Variants in PTPRD observed in about 807,000 individuals in gnomAD.
PTPRD encodes receptor-type tyrosine-protein phosphatase delta.
In PTPRD, 34 loss-of-function variants were observed where a neutral mutation model predicts 214.5. The ratio of observed to expected loss-of-function variants is 0.16; its 90% CI spans 0.12 to 0.21. The LOEUF (loss-of-function observed/expected upper bound fraction) is 0.21, where lower values mean the gene tolerates loss of function less well. Among genes scored for constraint, PTPRD ranks in the 10% least tolerant of loss-of-function variants. PTPRD has a pLI of 1.00. For synonymous variants in PTPRD, 1,128 were observed against 845.7 expected, an observed-to-expected ratio of 1.33 and a Z score of -5.79; for missense variants, 2,545 against 2,398.7, an observed-to-expected ratio of 1.06 and a Z score of -1.27.
intron 9 of PTPRD, among the ~76,000 whole-genome samples, chr9:9,187,789 T>G (rs967362239): frequency 5.9e-5 from 9 of 151,962 alleles, no homozygotes; most frequent in East Asian, 3.9e-4. Flanking sequence ...GATTTTTTTT[T>G]TGTGGTGTTG....
At chr9:10,067,475 C>T (rs2097907020) in intron 3 of PTPRD, among the ~76,000 whole-genome samples, 1 of 151,808 alleles carries the variant, frequency 6.6e-6, no homozygotes, top group Non-Finnish European at 1.5e-5. Context: ...CATGTGGAAA[C>T]TTAGACACAG....
chr9:9,371,662 A>G (rs2059532499), intron 9 of PTPRD, among the ~76,000 whole-genome samples: 1 of 151,974 alleles, frequency 6.6e-6, no homozygotes, highest in East Asian at 1.9e-4. Context: ...TAGCTTTTGA[A>G]TGTCTTTGCT....
intron 2 of PTPRD, among the ~76,000 whole-genome samples, chr9:10,467,499 T>C (rs753007362): frequency 5.9e-5 from 9 of 152,182 alleles, no homozygotes; most frequent in Non-Finnish European, 1.3e-4. Flanking sequence ...CAGATTTTAA[T>C]AGACACTCCT....
At chr9:10,272,675 C>A (rs1479955918) in intron 3 of PTPRD, among the ~76,000 whole-genome samples, 7 of 152,114 alleles carry the variant, frequency 4.6e-5, no homozygotes, top group African/African-American at 1.7e-4. Flanking sequence ...TTCACAAATC[C>A]CCCTAGTGTT....
intron 34 of PTPRD, chr9:8,438,841 T>G (rs2095445399): frequency 6.6e-6 from 1 of 152,146 alleles, no homozygotes; most frequent in South Asian, 2.1e-4. Context: ...TAAAGCCAGT[T>G]GGAGACGGGA....
At chr9:8,468,763 A>C (rs1346670335) in intron 31 of PTPRD, among the ~76,000 whole-genome samples, 1 of 150,320 alleles carries the variant, frequency 6.7e-6, no homozygotes, top group Admixed American at 6.7e-5. Context: ...CAAGCTATAG[A>C]TAAAATTACT....
intron 7 of PTPRD, among the ~76,000 whole-genome samples, chr9:9,681,864 T>C (rs1353841957): frequency 6.6e-6 from 1 of 151,840 alleles, no homozygotes; most frequent in Non-Finnish European, 1.5e-5. Context: ...ACTCAGAACA[T>C]AGAATCTGTT....
At chr9:9,657,270 C>T (rs1181495995) in intron 7 of PTPRD, among the ~76,000 whole-genome samples, 3 of 150,500 alleles carry the variant, frequency 2.0e-5, no homozygotes, top group Non-Finnish European at 4.5e-5. Flanking sequence ...AAATACTATG[C>T]AGCCATAAAA....
intron 5 of PTPRD, among the ~76,000 whole-genome samples, chr9:9,896,483 C>G (rs1293229623): frequency 6.6e-6 from 1 of 152,008 alleles, no homozygotes; most frequent in African/African-American, 2.4e-5. Context: ...ATTAGCATAA[C>G]TTCTGGGAAA....
chr9:9,876,003 T>G (rs987291254), intron 5 of PTPRD, among the ~76,000 whole-genome samples: 1 of 152,058 alleles, frequency 6.6e-6, no homozygotes, highest in Non-Finnish European at 1.5e-5. Context: ...CCTGGTGAGT[T>G]TGCAGGTGCT....
intron 10 of PTPRD, among the ~76,000 whole-genome samples, chr9:9,171,367 T>C (rs2099916301): frequency 6.7e-6 from 1 of 149,876 alleles, no homozygotes; most frequent in Non-Finnish European, 1.5e-5. Context: ...TTAGATTATA[T>C]TTATAATCAT....
At chr9:8,527,558 G>A (rs1481568374) in intron 15 of PTPRD, among the ~76,000 whole-genome samples, 4 of 152,034 alleles carry the variant, frequency 2.6e-5, no homozygotes, top group Non-Finnish European at 4.4e-5. Flanking sequence ...TTAACAAGAC[G>A]CTTTAACATC....
At chr9:9,486,535 G>A (rs191862124) in intron 8 of PTPRD, among the ~76,000 whole-genome samples, 52 of 150,656 alleles carry the variant, frequency 3.5e-4, no homozygotes, top group Non-Finnish European at 6.3e-4. Flanking sequence ...CATCTCTATC[G>A]CTGCCTTCTT....
At chr9:8,553,734 G>C (rs2082821398) in intron 14 of PTPRD, among the ~76,000 whole-genome samples, 2 of 152,086 alleles carry the variant, frequency 1.3e-5, no homozygotes, top group South Asian at 4.1e-4. Context: ...AGCCCTATAA[G>C]AACCTTCTTC....
intron 8 of PTPRD, among the ~76,000 whole-genome samples, chr9:9,520,348 T>C (rs1401768264): frequency 6.7e-6 from 1 of 150,170 alleles, no homozygotes; most frequent in Non-Finnish European, 1.5e-5. Flanking sequence ...GAATGAATTT[T>C]AGAACATGCA....
chr9:9,308,868 C>A (rs1425152705), intron 9 of PTPRD, among the ~76,000 whole-genome samples: 1 of 151,972 alleles, frequency 6.6e-6, no homozygotes, highest in African/African-American at 2.4e-5. Flanking sequence ...GGTTAATAAG[C>A]ATTAGAGACC....
chr9:8,934,237 T>C (rs1327471229), intron 11 of PTPRD, among the ~76,000 whole-genome samples: 4 of 150,390 alleles, frequency 2.7e-5, no homozygotes, highest in Non-Finnish European at 5.9e-5. Flanking sequence ...ACCTAAACAA[T>C]TTACATGAAA....
chr9:8,851,337 C>T (rs539109729), intron 11 of PTPRD, among the ~76,000 whole-genome samples: 9 of 152,192 alleles, frequency 5.9e-5, no homozygotes, highest in African/African-American at 1.7e-4. Context: ...TAGAGAGAAA[C>T]GCTCTCTTTG....
At chr9:8,497,513 T>C (rs529636099) in intron 25 of PTPRD, among the ~76,000 whole-genome samples, 1 of 152,328 alleles carries the variant, frequency 6.6e-6, no homozygotes, top group South Asian at 2.1e-4. Context: ...TATGGTTCAC[T>C]GAAACATAGC....
Sources: allele counts gnomAD v4.1 joint callset (sites outside exome capture counted in the v4.1 genomes callset), GRCh38; gene constraint gnomAD v4.1.1; transcripts MANE v1.5; gene names NCBI Gene and HGNC (gene_info 2026-07-23, HGNC 2026-07-21).